Variants in TRAPPC9 observed in about 807,000 individuals in gnomAD.
The protein encoded by TRAPPC9 is trafficking protein particle complex subunit 9.
In TRAPPC9, 83 loss-of-function variants were observed where a neutral mutation model predicts 124.0. The observed-to-expected ratio is 0.67, with a 90% CI of 0.56 to 0.80. TRAPPC9 has a LOEUF of 0.80. Among genes scored for constraint, TRAPPC9 ranks in the 30% least tolerant of loss-of-function variants. The probability of loss-of-function intolerance (pLI) is 0.00; values close to 1 mark genes in which losing one functional copy is unlikely to be tolerated. For synonymous variants in TRAPPC9, 638 were observed against 617.5 expected, an observed-to-expected ratio of 1.03 and a Z score of -0.49; for missense variants, 1,302 against 1,508.3, an observed-to-expected ratio of 0.86 and a Z score of 2.27.
intron 21 of TRAPPC9, among the ~76,000 whole-genome samples, chr8:139,839,458 A>G: frequency 6.6e-6 from 1 of 152,224 alleles, no homozygotes; most frequent in East Asian, 1.9e-4. Context: ...AGGGGCTGAC[A>G]GGCCGTCTCT....
At chr8:140,341,456 A>G (rs1006306483) in intron 9 of TRAPPC9, among the ~76,000 whole-genome samples, 1 of 152,218 alleles carries the variant, frequency 6.6e-6, no homozygotes, top group Non-Finnish European at 1.5e-5. Context: ...AGCAAGTCTG[A>G]AACCTTCAAG....
intron 17 of TRAPPC9, among the ~76,000 whole-genome samples, chr8:140,059,642 G>A (rs1174813453): frequency 2.0e-5 from 3 of 152,094 alleles, no homozygotes; most frequent in African/African-American, 7.2e-5. Context: ...GTCTAATCGT[G>A]GTTTTGACTT....
Position 140,275,673 on chromosome 8 carries a change from C to G in TRAPPC9, c.2263G>C (p.Val755Leu), listed in dbSNP as rs773051579. The G allele has an allele frequency of 1.2e-6, 2 of 1,614,064 alleles. No homozygotes were observed. The highest frequency in any genetic ancestry group is 3.3e-5 in the Admixed American group (2 of 60,004). Residue 755 changes from valine to leucine, a missense_variant, in exon 15 of 23, where the codon GTT becomes CTT. Physicochemically the swap from Val to Leu is conservative, Grantham distance 32 (BLOSUM62 1). This residue lies in a region of TRAPPC9 where 640 missense variants were observed against 679.3 expected (regional missense o/e 0.94). Transcript: ENST00000438773. ...PLEKLEVTSK[V>L]LTTKEKLYGD... ...CAATACCTACCTTTAGTGGTGAGAA[C>G]TTTCGAGGTGACCTCCAGTTTCTCC...
chr8:140,051,246 C>G lies in TRAPPC9; in HGVS notation c.2557-27167G>C, dbSNP rs116518196. ...ATCAGGGCCACAGGGCCAATGAGAC[C>G]TCCTCCATGAGCACCATGACCTCAG... On this transcript the variant is annotated intron_variant, in intron 17 of 22. Coordinates refer to ENST00000438773, the MANE Select transcript of TRAPPC9 (RefSeq NM_001160372.4). Among the ~76,000 whole-genome samples, 118 of 152,344 alleles carry G rather than the reference C, an allele frequency of 7.7e-4. 1 individual carries two copies. Among genetic ancestry groups the G allele is most frequent in the Middle Eastern group, 3.4e-3 (1 of 294 alleles).
At chr8:140,315,573 C>T (rs768736256) in intron 9 of TRAPPC9, among the ~76,000 whole-genome samples, 22 of 151,992 alleles carry the variant, frequency 1.4e-4, no homozygotes, top group Admixed American at 3.3e-4. Flanking sequence ...TCTCAAAGAA[C>T]GAAGGTTTTC....
Position 140,252,225 on chromosome 8 carries a change from C to T in TRAPPC9, c.2431+552G>A, listed in dbSNP as rs968186361. On this transcript the variant is annotated intron_variant, in intron 16 of 22. Coordinates refer to ENST00000438773, the MANE Select transcript of TRAPPC9 (RefSeq NM_001160372.4). This position sits in a 1 kb window ranked among gnomAD's most constrained non-coding sequence, Gnocchi z 4.2. ...ATTGTTAATAGAGACAGGATTTCAC[C>T]ATGTTGTCCAGGCTGGTCTGAAAGT... Among the ~76,000 whole-genome samples the T allele has an allele frequency of 2.0e-5, 3 of 152,090 alleles. No individual in the cohort carries two copies. Among genetic ancestry groups the T allele is most frequent in the African/African-American group, 7.2e-5 (3 of 41,402 alleles).
At chr8:140,441,348 A>G (rs1289562420) in intron 2 of TRAPPC9, among the ~76,000 whole-genome samples, 1 of 152,140 alleles carries the variant, frequency 6.6e-6, no homozygotes, top group African/African-American at 2.4e-5. Flanking sequence ...GGGAAAAAAA[A>G]ACTCAGTATC....
chr8:139,895,001 G>A (rs1412328721), intron 20 of TRAPPC9, among the ~76,000 whole-genome samples: 1 of 152,216 alleles, frequency 6.6e-6, no homozygotes, highest in East Asian at 1.9e-4. Context: ...ACTAGGTGGG[G>A]CCAGGACAGT....
At chr8:140,424,839 C>T (rs1409138430) in intron 5 of TRAPPC9, among the ~76,000 whole-genome samples, 9 of 151,934 alleles carry the variant, frequency 5.9e-5, no homozygotes, top group South Asian at 2.1e-4. Flanking sequence ...GTTTTGGAAA[C>T]GGTGGTGAGG....
At chr8:139,947,593 C>T (rs138450045) in intron 19 of TRAPPC9, among the ~76,000 whole-genome samples, 19 of 152,150 alleles carry the variant, frequency 1.2e-4, no homozygotes, top group African/African-American at 3.9e-4. Context: ...GGCAAGGTGG[C>T]TCACGCCTGT....
At chr8:140,128,252 G>A (rs979229719) in intron 17 of TRAPPC9, among the ~76,000 whole-genome samples, 1 of 152,086 alleles carries the variant, frequency 6.6e-6, no homozygotes, top group South Asian at 2.1e-4. Context: ...GCCCAAGTGT[G>A]GTTTCATTTA....
chr8:140,144,550 G>A (rs1366435723), intron 17 of TRAPPC9, among the ~76,000 whole-genome samples: 1 of 152,080 alleles, frequency 6.6e-6, no homozygotes, highest in East Asian at 1.9e-4. Flanking sequence ...GTGCAGCAGT[G>A]CAATCTCAGC....
At chr8:140,385,201 T>A (rs1380632362) in intron 7 of TRAPPC9, among the ~76,000 whole-genome samples, 2 of 151,794 alleles carry the variant, frequency 1.3e-5, no homozygotes, top group South Asian at 4.1e-4. Flanking sequence ...GCACTAAATG[T>A]CCACAAGAGA....
intron 15 of TRAPPC9, among the ~76,000 whole-genome samples, chr8:140,262,108 G>C (rs2064438311): frequency 6.6e-6 from 1 of 152,154 alleles, no homozygotes; most frequent in African/African-American, 2.4e-5. Context: ...GCAGAAGTGG[G>C]TATAGCCAGG....
intron 4 of TRAPPC9, among the ~76,000 whole-genome samples, chr8:140,431,219 G>A (rs1490841034): frequency 6.6e-6 from 1 of 151,912 alleles, no homozygotes; most frequent in African/African-American, 2.4e-5. Context: ...CACTTTGGGA[G>A]GCCAAGGCAG....
Position 140,252,727 on chromosome 8 carries a change from C to T in TRAPPC9, c.2431+50G>A. ...AGGCATCAAGGGATGGGGGTTGCTACACAGTATCTAGGACCCTGACGTGCT... is the reference window on the plus strand; with the variant it reads ...AGGCATCAAGGGATGGGGGTTGCTATACAGTATCTAGGACCCTGACGTGCT... On this transcript the variant is annotated intron_variant, in intron 16 of 22. Transcript: ENST00000438773. The surrounding 1 kb of genome is among the most constrained non-coding windows in gnomAD (Gnocchi z 4.2). 6.2e-7 allele frequency: 1 copy of T among 1,604,506 alleles called. No individual in the cohort carries two copies. Among genetic ancestry groups the T allele is most frequent in the Non-Finnish European group, 8.5e-7 (1 of 1,177,452 alleles).
intron 6 of TRAPPC9, among the ~76,000 whole-genome samples, chr8:140,402,166 A>G (rs1309446745): frequency 6.6e-6 from 1 of 152,066 alleles, no homozygotes; most frequent in Non-Finnish European, 1.5e-5. Flanking sequence ...CAGGAGTTCC[A>G]GACAAGCCTG....
chr8:139,889,875 T>C (rs547008088), intron 20 of TRAPPC9, among the ~76,000 whole-genome samples: 3 of 152,320 alleles, frequency 2.0e-5, no homozygotes, highest in South Asian at 4.1e-4. Flanking sequence ...CAATCAAGCA[T>C]GCAGCCGCCC....
intron 17 of TRAPPC9, among the ~76,000 whole-genome samples, chr8:140,046,462 TC>T (rs1486601859): frequency 1.3e-5 from 2 of 152,218 alleles, no homozygotes; most frequent in African/African-American, 4.8e-5. Flanking sequence ...CCTTGCGCCT[TC>T]CTCCCTGTCT....
Sources: allele counts gnomAD v4.1 joint callset (sites outside exome capture counted in the v4.1 genomes callset), GRCh38; gene constraint gnomAD v4.1.1; regional missense constraint gnomAD v4.1.1; non-coding constraint Gnocchi (gnomAD v3.1); transcripts MANE v1.5; gene names NCBI Gene and HGNC (gene_info 2026-07-23, HGNC 2026-07-21).